CCSER1: variants seen among roughly 807,000 people sequenced by gnomAD.
The protein encoded by CCSER1 is coiled-coil serine rich protein 1.
A neutral mutation model predicts 82.0 loss-of-function variants in CCSER1; 41 were observed. The observed-to-expected ratio is 0.50, with a 90% confidence interval of 0.39 to 0.65. The LOEUF (loss-of-function observed/expected upper bound fraction) is 0.65, where lower values mean the gene tolerates loss of function less well. CCSER1 is among the 30% of genes least tolerant of loss of function. The pLI, the probability that CCSER1 is intolerant of heterozygous loss-of-function variation, is 0.00. For synonymous variants in CCSER1, 414 were observed against 383.9 expected (o/e 1.08, Z -0.92); for missense variants, 1,119 against 1,064.2 (o/e 1.05, Z -0.72).
chr4:91,382,821 A>T (rs1325994154), intron 10 of CCSER1, among the ~76,000 whole-genome samples: 1 of 152,020 alleles, frequency 6.6e-6, no homozygotes, highest in African/African-American at 2.4e-5. Flanking sequence ...TGTAGACTGG[A>T]GCTCTTCCTA....
chr4:90,503,110 C>A lies in CCSER1; in HGVS notation c.1724+34756C>A, dbSNP rs182391750. On this transcript the variant is annotated intron_variant, in intron 5 of 10. Coordinates refer to ENST00000509176, the MANE Select transcript of CCSER1 (RefSeq NM_001145065.2). The stretch of plus-strand genomic sequence containing the variant: ...AGTGTCAAACCAGAAAAAACTGAGT[C>A]CCTAAGCCAGGAATTGAACCCTAGC... 1.8e-3 allele frequency among the ~76,000 whole-genome samples: 273 copies of A among 152,218 alleles called. 1 individual carries two copies. Among genetic ancestry groups the A allele is most frequent in the African/African-American group, 2.5e-3 (105 of 41,548 alleles).
chr4:90,565,143 T>C (rs1243471296), intron 5 of CCSER1, among the ~76,000 whole-genome samples: 2 of 151,978 alleles, frequency 1.3e-5, no homozygotes, highest in East Asian at 3.8e-4. Context: ...TTAATATTAA[T>C]GCTTTCAATT....
chr4:90,930,632 A>G (rs968645307), intron 9 of CCSER1, among the ~76,000 whole-genome samples: 1 of 151,606 alleles, frequency 6.6e-6, no homozygotes, highest in Non-Finnish European at 1.5e-5. Flanking sequence ...AAAAAGGAAA[A>G]GAAAAAAAAA....
At chr4:90,872,079 G>A (rs1372514126) in intron 8 of CCSER1, among the ~76,000 whole-genome samples, 4 of 151,504 alleles carry the variant, frequency 2.6e-5, no homozygotes, top group Admixed American at 1.3e-4. Context: ...TTTGTATCCT[G>A]TAGAGAGCAG....
At chr4:91,457,912 C>T (rs748313242) in intron 10 of CCSER1, among the ~76,000 whole-genome samples, 5 of 152,124 alleles carry the variant, frequency 3.3e-5, no homozygotes, top group Non-Finnish European at 7.4e-5. Flanking sequence ...ATATTAGATA[C>T]AAGTGTATGA....
chr4:91,046,859 A>G (rs1031707099), intron 9 of CCSER1, among the ~76,000 whole-genome samples: 2 of 152,072 alleles, frequency 1.3e-5, no homozygotes, highest in African/African-American at 4.8e-5. Context: ...CTGGGACTAC[A>G]GATGTAAACA....
chr4:91,006,753 A>C (rs919865712), intron 9 of CCSER1, among the ~76,000 whole-genome samples: 4 of 152,124 alleles, frequency 2.6e-5, no homozygotes, highest in Non-Finnish European at 1.5e-5. Context: ...GGCCTCCCAA[A>C]GTGCTGGGAT....
chr4:90,576,445 A>G (rs1454324416), intron 5 of CCSER1, among the ~76,000 whole-genome samples: 2 of 152,186 alleles, frequency 1.3e-5, no homozygotes, highest in African/African-American at 2.4e-5. Context: ...TGATAAATGC[A>G]TAATACATGT....
At chr4:90,229,694 T>G (rs6532220) in intron 1 of CCSER1, among the ~76,000 whole-genome samples, 99,414 of 152,048 alleles carry the variant, frequency 0.65, 35,002 homozygotes, top group African/African-American at 0.91. Flanking sequence ...TAAAGAGTCA[T>G]GACCCATCAG....
chr4:90,749,154 G>C (rs1748097609), intron 7 of CCSER1, among the ~76,000 whole-genome samples: 4 of 150,952 alleles, frequency 2.6e-5, no homozygotes, highest in Non-Finnish European at 4.5e-5. Flanking sequence ...TTTCTTCTAG[G>C]GTTTTTATGG....
chr4:90,569,263 G>A (rs759941587), intron 5 of CCSER1, among the ~76,000 whole-genome samples: 10 of 152,118 alleles, frequency 6.6e-5, no homozygotes, highest in African/African-American at 2.4e-4. Context: ...GGTTGCTCAT[G>A]GATAAGCAGA....
chr4:91,499,126 T>A (rs191188448), intron 10 of CCSER1, among the ~76,000 whole-genome samples: 1 of 152,176 alleles, frequency 6.6e-6, no homozygotes, highest in African/African-American at 2.4e-5. Context: ...CATTTCATTT[T>A]GTTGCATTTT....
intron 5 of CCSER1, among the ~76,000 whole-genome samples, chr4:90,476,997 A>G (rs1257615406): frequency 6.6e-6 from 1 of 152,196 alleles, no homozygotes; most frequent in African/African-American, 2.4e-5. Flanking sequence ...CAGATCACTG[A>G]AAAAGATTGC....
chr4:90,143,943 G>A (rs1334720349), intron 1 of CCSER1, among the ~76,000 whole-genome samples: 1 of 152,040 alleles, frequency 6.6e-6, no homozygotes, highest in Non-Finnish European at 1.5e-5. Flanking sequence ...TCCCACCTCA[G>A]CCTCCCAAAG....
At chr4:90,720,023 C>G (rs147025461) in intron 6 of CCSER1, among the ~76,000 whole-genome samples, 253 of 152,160 alleles carry the variant, frequency 1.7e-3, no homozygotes, top group Middle Eastern at 3.4e-3. Flanking sequence ...TTTGCTCATT[C>G]TTTTAATACT....
At chr4:91,372,771 G>T (rs545701647) in intron 10 of CCSER1, among the ~76,000 whole-genome samples, 1 of 151,696 alleles carries the variant, frequency 6.6e-6, no homozygotes. Context: ...TCTGTGTAGC[G>T]GGTGCACATG....
At chr4:90,797,415 C>G (rs1345835406) in intron 7 of CCSER1, among the ~76,000 whole-genome samples, 2 of 152,116 alleles carry the variant, frequency 1.3e-5, no homozygotes, top group Non-Finnish European at 2.9e-5. Context: ...ACCAATGGGT[C>G]TTCTGATTCC....
At chr4:90,281,482 TAAAATAAAAGTTAAAAAAATA>T (rs1728838081) in intron 1 of CCSER1, among the ~76,000 whole-genome samples, 1 of 152,010 alleles carries the variant, frequency 6.6e-6, no homozygotes, top group Admixed American at 6.6e-5. Flanking sequence ...CCCCTGAAGC[TAAAATAAAAGTTAAAAAAATA>T]ATTTTTTCCA....
At chr4:91,326,349 C>A (rs1479832033) in intron 10 of CCSER1, among the ~76,000 whole-genome samples, 2 of 152,096 alleles carry the variant, frequency 1.3e-5, no homozygotes, top group Non-Finnish European at 2.9e-5. Flanking sequence ...AGCATGTCTT[C>A]AGGCCAGAGC....
Sources: gnomAD v4.1 joint callset for allele counts (sites outside exome capture counted in the v4.1 genomes callset) on GRCh38, gnomAD v4.1.1 for gene constraint, MANE v1.5 for transcripts, NCBI Gene and HGNC (gene_info 2026-07-23, HGNC 2026-07-21) for gene names.